Variants in TBC1D1 observed in about 807,000 individuals in gnomAD.
TBC1D1 encodes TBC1 domain family member 1.
In TBC1D1, 89 loss-of-function variants were observed where a neutral mutation model predicts 125.6. The observed-to-expected ratio is 0.71, with a 90% CI of 0.60 to 0.85. TBC1D1 has a LOEUF of 0.85. Ranked by LOEUF, TBC1D1 falls within the 40% of genes least tolerant of loss-of-function variation. The pLI, the probability that TBC1D1 is intolerant of heterozygous loss-of-function variation, is 0.00. For synonymous variants in TBC1D1, 565 were observed against 564.1 expected, an observed-to-expected ratio of 1.00 and a Z score of -0.02; for missense variants, 1,377 against 1,469.2, an observed-to-expected ratio of 0.94 and a Z score of 1.03.
At chr4:37,912,673 A>G (rs1718867735) in intron 2 of TBC1D1, among the ~76,000 whole-genome samples, 1 of 152,210 alleles carries the variant, frequency 6.6e-6, no homozygotes, top group Non-Finnish European at 1.5e-5. Context: ...GAATGCTATT[A>G]TGATCCTATA....
chr4:37,969,566 G>C (rs1731665053), intron 2 of TBC1D1, among the ~76,000 whole-genome samples: 1 of 152,188 alleles, frequency 6.6e-6, no homozygotes, highest in East Asian at 1.9e-4. Flanking sequence ...GGCTGGCCTT[G>C]AACTCTTGAC....
chr4:37,937,526 T>G (rs1724636607), intron 2 of TBC1D1, among the ~76,000 whole-genome samples: 1 of 152,208 alleles, frequency 6.6e-6, no homozygotes, highest in African/African-American at 2.4e-5. Context: ...CTTACACACT[T>G]CTTCAAGAAA....
chr4:37,972,020 T>A (rs1732127166), intron 2 of TBC1D1, among the ~76,000 whole-genome samples: 1 of 152,214 alleles, frequency 6.6e-6, no homozygotes, highest in African/African-American at 2.4e-5. Flanking sequence ...AACAGCCCAA[T>A]CATCTGAGAC....
intron 18 of TBC1D1, among the ~76,000 whole-genome samples, chr4:38,127,381 CTT>C (rs35658047): frequency 3.5e-4 from 43 of 124,382 alleles, no homozygotes; most frequent in African/African-American, 8.6e-4. Flanking sequence ...TTTCCACTGA[CTT>C]TTTTTTTTTT....
intron 2 of TBC1D1, among the ~76,000 whole-genome samples, chr4:37,982,646 G>A (rs190650219): frequency 3.2e-4 from 49 of 152,302 alleles, no homozygotes; most frequent in Admixed American, 2.7e-3. Context: ...AGAGAATGGA[G>A]GAGAGCAGAG....
chr4:38,059,288 A>C (rs184937431), intron 12 of TBC1D1, among the ~76,000 whole-genome samples: 2 of 152,308 alleles, frequency 1.3e-5, no homozygotes, highest in Admixed American at 1.3e-4. Context: ...AAAGTCTAAG[A>C]GGGCTGGTTT....
intron 15 of TBC1D1, among the ~76,000 whole-genome samples, chr4:38,106,777 A>C (rs925426961): frequency 2.8e-4 from 42 of 152,162 alleles, no homozygotes; most frequent in African/African-American, 1.0e-3. Flanking sequence ...GGAAAAGAAG[A>C]GACCAGATCA....
Position 38,054,401 on chromosome 4 carries a change from C to T in TBC1D1, c.2050+63C>T, listed in dbSNP as rs190231459. The T allele has an allele frequency of 4.3e-3, 6,912 of 1,601,508 alleles. 104 individuals are homozygous for T. Among genetic ancestry groups the T allele is most frequent in the Non-Finnish European group, 2.9e-3 (3,365 of 1,174,132 alleles). ...ACGCTGACAGAGGACCCTGGGAGCC[C>T]CATCATATTGGTAAGAAAGCAGAGC... On this transcript the variant is annotated intron_variant, in intron 12 of 19. Coordinates refer to ENST00000261439, the MANE Select transcript of TBC1D1 (RefSeq NM_015173.4).
chr4:38,116,148 C>T (rs1762952603), intron 16 of TBC1D1, among the ~76,000 whole-genome samples, 194 bp downstream of exon 18: 1 of 151,956 alleles, frequency 6.6e-6, no homozygotes, highest in South Asian at 2.1e-4. Context: ...CACTGTTCAT[C>T]GTCTCAATTT....
chr4:38,076,274 C>T (rs930035055), intron 12 of TBC1D1, among the ~76,000 whole-genome samples: 2 of 152,166 alleles, frequency 1.3e-5, no homozygotes, highest in Non-Finnish European at 2.9e-5. Flanking sequence ...AGAACTAACT[C>T]ACTATCATGA....
chr4:37,927,722 G>A (rs1425025875), intron 2 of TBC1D1, among the ~76,000 whole-genome samples: 2 of 152,184 alleles, frequency 1.3e-5, no homozygotes, highest in Admixed American at 1.3e-4. Context: ...GCTTTTGTTT[G>A]GTTAATGCAC....
At chr4:37,985,032 A>G in intron 2 of TBC1D1, among the ~76,000 whole-genome samples, 1 of 151,680 alleles carries the variant, frequency 6.6e-6, no homozygotes, top group Non-Finnish European at 1.5e-5. Context: ...GGCTCACTGC[A>G]ACCTCTGCCT....
chr4:37,987,231 C>A (rs1370011804), intron 2 of TBC1D1, among the ~76,000 whole-genome samples: 5 of 151,544 alleles, frequency 3.3e-5, no homozygotes, highest in African/African-American at 1.2e-4. Context: ...TGTTAGAAGT[C>A]TCATAATTAA....
chr4:37,981,341 T>C (rs933859864), intron 2 of TBC1D1, among the ~76,000 whole-genome samples: 1 of 152,234 alleles, frequency 6.6e-6, no homozygotes, highest in Non-Finnish European at 1.5e-5. Flanking sequence ...AACATTGGTT[T>C]ATCTAGCCAC....
At chr4:38,050,993 G>A (rs187364563) in intron 11 of TBC1D1, among the ~76,000 whole-genome samples, 1 of 152,236 alleles carries the variant, frequency 6.6e-6, no homozygotes, top group Non-Finnish European at 1.5e-5. Flanking sequence ...GGTTGTAGCT[G>A]TGTAAGTTTC....
intron 2 of TBC1D1, chr4:38,006,866 T>G (rs1444596704): frequency 2.0e-6 from 1 of 504,658 alleles, no homozygotes; most frequent in East Asian, 5.6e-5. Flanking sequence ...TCTTTGCTCA[T>G]CCTTAAAATC....
chr4:38,073,223 A>G (rs1246077531), intron 12 of TBC1D1, among the ~76,000 whole-genome samples: 2 of 152,258 alleles, frequency 1.3e-5, no homozygotes, highest in East Asian at 3.9e-4. Context: ...ACCATTTTAC[A>G]TTCCCACCAA....
chr4:38,075,715 A>T (rs1342644471), intron 12 of TBC1D1, among the ~76,000 whole-genome samples: 3 of 152,080 alleles, frequency 2.0e-5, no homozygotes, highest in Non-Finnish European at 4.4e-5. Flanking sequence ...GCATGAGAGG[A>T]GGGAGGGTGG....
At chr4:37,913,538 G>A (rs1294621538) in intron 2 of TBC1D1, among the ~76,000 whole-genome samples, 1 of 152,060 alleles carries the variant, frequency 6.6e-6, no homozygotes, top group Non-Finnish European at 1.5e-5. Flanking sequence ...GGCAGAGGTT[G>A]CGGTGAGCTG....
Sources: allele counts gnomAD v4.1 joint callset (sites outside exome capture counted in the v4.1 genomes callset), GRCh38; gene constraint gnomAD v4.1.1; transcripts MANE v1.5; gene names NCBI Gene and HGNC (gene_info 2026-07-23, HGNC 2026-07-21).